Variants in CHRM3 observed in about 807,000 individuals in gnomAD.
CHRM3 encodes the protein cholinergic receptor muscarinic 3.
In CHRM3, 11 loss-of-function variants were observed where a neutral mutation model predicts 41.8. That is an observed-to-expected ratio of 0.26 (90% CI 0.17 to 0.44). The LOEUF is 0.44. CHRM3 is among the 20% of genes least tolerant of loss of function. CHRM3 has a pLI of 1.00. For missense variants in CHRM3, 571 were observed against 745.4 expected, an observed-to-expected ratio of 0.77 and a Z score of 2.72; for synonymous variants, 297 against 301.4, an observed-to-expected ratio of 0.99 and a Z score of 0.15.
At chr1:239,499,315 C>T (rs1189039780) in intron 2 of CHRM3, among the ~76,000 whole-genome samples, 1 of 152,098 alleles carries the variant, frequency 6.6e-6, no homozygotes, top group East Asian at 1.9e-4. Context: ...TGGGCTTTCA[C>T]AGGGGATAGT....
chr1:239,876,144 G>A (rs1677093216), intron 6 of CHRM3, among the ~76,000 whole-genome samples: 2 of 152,096 alleles, frequency 1.3e-5, no homozygotes, highest in Non-Finnish European at 2.9e-5. Flanking sequence ...TTAATCTCTC[G>A]TTCAGATCTT....
At chr1:239,643,334 T>C (rs952328171) in intron 4 of CHRM3, among the ~76,000 whole-genome samples, 1 of 152,210 alleles carries the variant, frequency 6.6e-6, no homozygotes, top group African/African-American at 2.4e-5. Context: ...CAGTGGTTAC[T>C]GCTATCTTTT....
At chr1:239,733,412 G>T (rs1664134150) in intron 5 of CHRM3, among the ~76,000 whole-genome samples, 1 of 151,940 alleles carries the variant, frequency 6.6e-6, no homozygotes, top group African/African-American at 2.4e-5. Context: ...GGAGATAATT[G>T]AGCAAAAAGT....
chr1:239,562,795 G>A (rs1380686782), intron 3 of CHRM3, among the ~76,000 whole-genome samples: 1 of 151,492 alleles, frequency 6.6e-6, no homozygotes, highest in Non-Finnish European at 1.5e-5. Flanking sequence ...GGCTGAGGCA[G>A]GAGAATCACT....
chr1:239,845,338 T>C (rs1674177042), intron 6 of CHRM3, among the ~76,000 whole-genome samples: 1 of 152,208 alleles, frequency 6.6e-6, no homozygotes, highest in African/African-American at 2.4e-5. Flanking sequence ...GCTAGGTTTT[T>C]ATTTTTGTTT....
intron 5 of CHRM3, among the ~76,000 whole-genome samples, chr1:239,786,588 C>G (rs1204187770): frequency 6.6e-6 from 1 of 152,144 alleles, no homozygotes; most frequent in African/African-American, 2.4e-5. Flanking sequence ...ATGAGCCTTA[C>G]CTAAGCAGCT....
At chr1:239,735,625 T>C (rs919333886) in intron 5 of CHRM3, among the ~76,000 whole-genome samples, 1 of 152,158 alleles carries the variant, frequency 6.6e-6, no homozygotes, top group African/African-American at 2.4e-5. Flanking sequence ...GCTAGAGGTA[T>C]AAGTTGCTGC....
At chr1:239,437,193 A>C (rs534434778) in intron 1 of CHRM3, among the ~76,000 whole-genome samples, 2 of 152,320 alleles carry the variant, frequency 1.3e-5, no homozygotes, top group East Asian at 3.9e-4. Context: ...AGCTCACTGC[A>C]TCCTCCACCT....
chr1:239,466,145 C>G (rs1247811127), intron 1 of CHRM3, among the ~76,000 whole-genome samples: 1 of 152,202 alleles, frequency 6.6e-6, no homozygotes, highest in East Asian at 1.9e-4. Flanking sequence ...AGGCGCCCGC[C>G]ACCACGCCTG....
At chr1:239,882,841 A>G (rs530267670) in intron 6 of CHRM3, among the ~76,000 whole-genome samples, 10 of 152,356 alleles carry the variant, frequency 6.6e-5, no homozygotes, top group African/African-American at 2.2e-4. Flanking sequence ...GGCAGGGCAC[A>G]CTGGCTGCCC....
chr1:239,693,359 ATC>A (rs150257547), intron 5 of CHRM3, among the ~76,000 whole-genome samples: 15 of 150,644 alleles, frequency 1.0e-4, no homozygotes, highest in South Asian at 2.1e-4. Flanking sequence ...TAAGGGTAGG[ATC>A]TCTCTCTCTC....
Position 239,684,770 on chromosome 1 carries a change from G to GAA in CHRM3, c.-147+6483_-147+6484insAA, listed in dbSNP as rs142339442. Among the ~76,000 whole-genome samples, 435 of 128,948 alleles carry GAA rather than the reference G, an allele frequency of 3.4e-3. 2 individuals are homozygous for GAA. The highest frequency in any genetic ancestry group is 5.4e-3 in the Non-Finnish European group (314 of 57,850). 84.6% of individuals were successfully genotyped at this position (128,948 alleles called of 152,430 possible). A position where few individuals can be genotyped will look rare whatever the true frequency, so the allele number is the denominator to read the frequency against. On this transcript the variant is annotated intron_variant, in intron 5 of 6. Coordinates refer to ENST00000676153, the MANE Select transcript of CHRM3 (RefSeq NM_001375978.1). ...AAAGAGAAAGAAAGAAAGAAAGAAAGAGAAAGAGAAAGAAAAGAGAAGAGA... is the reference window on the plus strand; with the variant it reads ...AAAGAGAAAGAAAGAAAGAAAGAAAGAAAGAAAGAGAAAGAAAAGAGAAGAGA...
intron 5 of CHRM3, among the ~76,000 whole-genome samples, chr1:239,696,208 C>A (rs1166880028): frequency 6.6e-6 from 1 of 152,162 alleles, no homozygotes; most frequent in Non-Finnish European, 1.5e-5. Flanking sequence ...TGTCCTATGG[C>A]TTGTCAGGAT....
intron 5 of CHRM3, among the ~76,000 whole-genome samples, chr1:239,725,174 G>A (rs1317687338): frequency 6.6e-6 from 1 of 151,894 alleles, no homozygotes; most frequent in Non-Finnish European, 1.5e-5. Flanking sequence ...GATAATGGCA[G>A]TGTATTTTTC....
intron 1 of CHRM3, among the ~76,000 whole-genome samples, chr1:239,464,891 G>A (rs1289932122): frequency 1.3e-5 from 2 of 152,026 alleles, no homozygotes; most frequent in Non-Finnish European, 2.9e-5. Flanking sequence ...GATGTTCCCT[G>A]TGCTTCCTAA....
chr1:239,582,249 C>T (rs771924376), intron 3 of CHRM3, among the ~76,000 whole-genome samples: 1 of 152,134 alleles, frequency 6.6e-6, no homozygotes, highest in Non-Finnish European at 1.5e-5. Flanking sequence ...TTGGAGTGCT[C>T]TGTAGGCTTA....
intron 5 of CHRM3, among the ~76,000 whole-genome samples, chr1:239,723,470 A>C (rs946073344): frequency 1.3e-5 from 2 of 151,974 alleles, no homozygotes; most frequent in Non-Finnish European, 2.9e-5. Flanking sequence ...TGTCTTTCAA[A>C]ATAAATAATG....
At chr1:239,830,945 C>T (rs920269538) in intron 6 of CHRM3, among the ~76,000 whole-genome samples, 7 of 151,982 alleles carry the variant, frequency 4.6e-5, no homozygotes, top group African/African-American at 1.7e-4. Context: ...TGGAAAGTTC[C>T]CCTATTCATT....
At chr1:239,570,732 C>A (rs1377564628) in intron 3 of CHRM3, among the ~76,000 whole-genome samples, 1 of 151,972 alleles carries the variant, frequency 6.6e-6, no homozygotes, top group African/African-American at 2.4e-5. Flanking sequence ...ATATAGTCTG[C>A]TCAAAAATGT....
Sources: gnomAD v4.1 joint callset for allele counts (sites outside exome capture counted in the v4.1 genomes callset) on GRCh38, gnomAD v4.1.1 for gene constraint, MANE v1.5 for transcripts, NCBI Gene and HGNC (gene_info 2026-07-23, HGNC 2026-07-21) for gene names.